MFF: variants seen among roughly 807,000 people sequenced by gnomAD.
MFF encodes the protein chromosome 2 open reading frame 33.
In MFF, 12 loss-of-function variants were observed where a neutral mutation model predicts 36.9. The observed-to-expected ratio is 0.33, with a 90% CI of 0.21 to 0.53. MFF has a LOEUF of 0.53. Ranked by LOEUF, MFF falls within the 20% of genes least tolerant of loss-of-function variation. MFF has a pLI of 0.95. For missense variants in MFF, 348 were observed against 366.6 expected (o/e 0.95, Z 0.42); for synonymous variants, 99 against 126.2 (o/e 0.78, Z 1.44).
chr2:227,342,651 C>T (rs879261200), intron 5 of MFF: 64 of 1,009,884 alleles, frequency 6.3e-5, no homozygotes, highest in African/African-American at 8.2e-5. Context: ...CAGCTATTAG[C>T]GCAAAAGTGA....
chr2:227,345,083 G>C (rs945677420), intron 5 of MFF, among the ~76,000 whole-genome samples: 1 of 152,018 alleles, frequency 6.6e-6, no homozygotes, highest in African/African-American at 2.4e-5. Flanking sequence ...TTCCATCTTA[G>C]GAACTCTTTG....
At chr2:227,339,725 C>G (rs1292549952) in intron 4 of MFF, among the ~76,000 whole-genome samples, 1 of 152,202 alleles carries the variant, frequency 6.6e-6, no homozygotes, top group African/African-American at 2.4e-5. Flanking sequence ...GAAACAGATC[C>G]TGTCTCTTAA....
intron 7 of MFF, chr2:227,355,441 T>C (rs1336269497): frequency 7.5e-6 from 2 of 267,224 alleles, no homozygotes; most frequent in African/African-American, 4.5e-5. Context: ...TCAGGATTTT[T>C]TTCCCATTCT....
At chr2:227,341,959 A>G (rs1386039885) in intron 5 of MFF, among the ~76,000 whole-genome samples, 1 of 152,116 alleles carries the variant, frequency 6.6e-6, no homozygotes, top group Non-Finnish European at 1.5e-5. Flanking sequence ...CCCCTTTATT[A>G]TGTACGAAAA....
At chr2:227,334,007 G>A (rs1410843717) in intron 4 of MFF, among the ~76,000 whole-genome samples, 1 of 152,200 alleles carries the variant, frequency 6.6e-6, no homozygotes, top group African/African-American at 2.4e-5. Flanking sequence ...TTAGTCAAAT[G>A]TGATAGATGT....
At chr2:227,350,412 A>T (rs1480964342) in intron 6 of MFF, among the ~76,000 whole-genome samples, 2 of 152,124 alleles carry the variant, frequency 1.3e-5, no homozygotes, top group African/African-American at 4.8e-5. Context: ...TTGATAGATG[A>T]GTCATGCTTA....
chr2:227,342,656 A>G, intron 5 of MFF: 1 of 1,086,668 alleles, frequency 9.2e-7, no homozygotes, highest in Non-Finnish European at 1.4e-6. Flanking sequence ...ATTAGCGCAA[A>G]AGTGAATTCT....
intron 5 of MFF, among the ~76,000 whole-genome samples, chr2:227,344,313 A>G (rs2075586081): frequency 6.6e-6 from 1 of 152,212 alleles, no homozygotes; most frequent in African/African-American, 2.4e-5. Context: ...CATTTACTTA[A>G]TCTTCTCAGT....
rs142676012 is a variant in MFF, at chr2:227,355,716, G to T, written c.699G>T (p.Thr233=). The part of the protein sequence containing the change: ...ISNIDTTIEG[T]SDDLTVVDAA... ...ATATAGATACAACCATTGAAGGAAC[G>T]TCAGATGACCTGACTGTTGTAGATG... Residue 233 remains threonine, a synonymous_variant, in exon 8 of 9, where the codon ACG becomes ACT. Coordinates refer to ENST00000304593, the MANE Select transcript of MFF (RefSeq NM_001277062.2). The T allele has an allele frequency of 6.8e-6, 11 of 1,611,870 alleles. No homozygotes were observed. Among genetic ancestry groups the T allele is most frequent in the African/African-American group, 2.7e-5 (2 of 74,870 alleles).
At chr2:227,347,533 A>T (rs2075777897) in intron 6 of MFF, 149 bp downstream of exon 6, 1 of 655,818 alleles carries the variant, frequency 1.5e-6, no homozygotes, top group South Asian at 2.0e-5. Context: ...ACTTTCTTTT[A>T]ATTTGAAATT....
chr2:227,355,298 A>C (rs75631207), intron 7 of MFF: 2,321 of 157,788 alleles, frequency 0.015, 66 homozygotes, highest in African/African-American at 0.053. Context: ...ATGGGCTTAC[A>C]TATGGACATA....
In MFF at chr2:227,357,181, C is replaced by A; in HGVS notation, c.*64C>A. 1.9e-6 allele frequency: 3 copies of A among 1,555,708 alleles called. No individual in the cohort carries two copies. The highest frequency in any genetic ancestry group is 2.6e-6 in the Non-Finnish European group (3 of 1,144,420). Reference sequence around the variant, plus strand: ...GGAAATATAAAAGATTTGCAAACTTCTTTGTTTCTGTCTCTGCATTGTATG... The same window carrying A: ...GGAAATATAAAAGATTTGCAAACTTATTTGTTTCTGTCTCTGCATTGTATG... On this transcript the variant is annotated 3_prime_UTR_variant, in exon 9 of 9. Coordinates refer to ENST00000304593, the MANE Select transcript of MFF (RefSeq NM_001277062.2).
intron 3 of MFF, among the ~76,000 whole-genome samples, chr2:227,331,959 ATTTTTT>A (rs10549336): frequency 0.068 from 5,182 of 76,380 alleles, 406 homozygotes; most frequent in African/African-American, 0.11. Flanking sequence ...CGCTGGAAGC[ATTTTTT>A]TTTTTTTTTT....
chr2:227,344,030 T>G (rs1469267029), intron 5 of MFF, among the ~76,000 whole-genome samples: 4 of 152,188 alleles, frequency 2.6e-5, no homozygotes, highest in African/African-American at 9.6e-5. Flanking sequence ...TCAAGTGCTC[T>G]GCCCACCTTG....
At chr2:227,344,720 T>C (rs1316469855) in intron 5 of MFF, among the ~76,000 whole-genome samples, 1 of 14,896 alleles carries the variant, frequency 6.7e-5, no homozygotes, top group Admixed American at 1.2e-3. Flanking sequence ...AAAGTAGTCA[T>C]CAATTAAAAA....
At chr2:227,338,846 A>AC (rs1039352863) in intron 4 of MFF, among the ~76,000 whole-genome samples, 18 of 141,046 alleles carry the variant, frequency 1.3e-4, no homozygotes, top group East Asian at 5.9e-4. Context: ...AAAAAAAACA[A>AC]AAAAAAAAAC....
At chr2:227,328,246 C>A (rs1046480539) in intron 1 of MFF, among the ~76,000 whole-genome samples, 1 of 142,762 alleles carries the variant, frequency 7.0e-6, no homozygotes, top group African/African-American at 2.7e-5. Flanking sequence ...TGGCATATGC[C>A]TGTAGTCCCA....
intron 5 of MFF, among the ~76,000 whole-genome samples, chr2:227,341,891 A>G (rs1283075474): frequency 6.6e-6 from 1 of 151,976 alleles, no homozygotes. Flanking sequence ...CACCACTCTT[A>G]TTTTTTCTCC....
intron 4 of MFF, among the ~76,000 whole-genome samples, chr2:227,339,811 C>G (rs570628210): frequency 6.6e-6 from 1 of 152,290 alleles, no homozygotes; most frequent in African/African-American, 2.4e-5. Flanking sequence ...AATGCCAAAA[C>G]CATTAAGCTA....
Sources: gnomAD v4.1 joint callset for allele counts (sites outside exome capture counted in the v4.1 genomes callset) on GRCh38, gnomAD v4.1.1 for gene constraint, MANE v1.5 for transcripts, NCBI Gene and HGNC (gene_info 2026-07-23, HGNC 2026-07-21) for gene names.